Variants in CFTR observed in about 807,000 individuals in gnomAD.
CFTR encodes the protein cystic fibrosis transmembrane conductance regulator.
Under a neutral mutation model 171.6 loss-of-function variants are expected in CFTR, and 181 were observed. The ratio of observed to expected loss-of-function variants is 1.05; its 90% CI spans 0.93 to 1.19. CFTR has a LOEUF of 1.19. CFTR is among the 50% of genes most tolerant of loss of function. The pLI is 0.00. For missense variants in CFTR, 1,968 were observed against 1,734.7 expected, an observed-to-expected ratio of 1.13 and a Z score of -2.39; for synonymous variants, 583 against 608.0, an observed-to-expected ratio of 0.96 and a Z score of 0.60.
At chr7:117,519,640 AT>A (rs1486324833) in intron 3 of CFTR, among the ~76,000 whole-genome samples, 5 of 151,944 alleles carry the variant, frequency 3.3e-5, no homozygotes, top group African/African-American at 4.8e-5. Context: ...GCTTTTTCCC[AT>A]GGGAATTTAT....
At chr7:117,500,278 CTTTTTTTTTTTT>C (rs745627454) in intron 1 of CFTR, among the ~76,000 whole-genome samples, 4 of 76,488 alleles carry the variant, frequency 5.2e-5, no homozygotes, top group East Asian at 5.7e-4. Context: ...TTCTTCCTTT[CTTTTTTTTTTTT>C]TTTTTTTTTT....
chr7:117,561,606 GAAT>G (rs1799465969), intron 11 of CFTR, among the ~76,000 whole-genome samples: 1 of 152,036 alleles, frequency 6.6e-6, no homozygotes, highest in South Asian at 2.1e-4. Context: ...TTCTAAAGAA[GAAT>G]AAGGTAAGGA....
At chr7:117,525,389 C>T (rs2116663060) in intron 3 of CFTR, among the ~76,000 whole-genome samples, 1 of 129,652 alleles carries the variant, frequency 7.7e-6, no homozygotes, top group South Asian at 3.1e-4. Context: ...CTGTAGATGT[C>T]TATTAGGTCT....
intron 20 of CFTR, among the ~76,000 whole-genome samples, chr7:117,612,023 G>GTATGTATATATATA (rs1554392388): frequency 9.4e-5 from 5 of 53,242 alleles, no homozygotes; most frequent in Admixed American, 6.0e-4. Context: ...ATATATATAT[G>GTATGTATATATATA]TATATATATA....
chr7:117,535,139 T>G (rs769466543), intron 5 of CFTR, 109 bp from the exon 6 acceptor site: 10 of 1,130,142 alleles, frequency 8.8e-6, no homozygotes, highest in Non-Finnish European at 1.2e-5. Flanking sequence ...AACCACGAAG[T>G]GTTTGATCAT....
intron 11 of CFTR, among the ~76,000 whole-genome samples, chr7:117,574,898 T>G (rs563631285): frequency 8.0e-4 from 122 of 152,240 alleles, no homozygotes; most frequent in African/African-American, 2.8e-3. Flanking sequence ...GGTTATCTTT[T>G]TGAGATCTAG....
At chr7:117,528,193 C>T (rs1159844064) in intron 3 of CFTR, among the ~76,000 whole-genome samples, 3 of 96,910 alleles carry the variant, frequency 3.1e-5, no homozygotes, top group African/African-American at 1.1e-4. Context: ...CAGAACAGAG[C>T]CCTCAGAAAT....
chr7:117,620,717 A>T (rs1792561732), intron 21 of CFTR, among the ~76,000 whole-genome samples: 1 of 152,194 alleles, frequency 6.6e-6, no homozygotes. Flanking sequence ...TGTGCCCATC[A>T]TTTTACTTCC....
chr7:117,564,709 T>G (rs1791573402), intron 11 of CFTR: 1 of 167,016 alleles, frequency 6.0e-6, no homozygotes, highest in African/African-American at 2.4e-5. Context: ...ATCTTCCTCA[T>G]TTTTGTGTTT....
intron 14 of CFTR, among the ~76,000 whole-genome samples, chr7:117,593,786 G>C (rs1792076180): frequency 6.6e-6 from 1 of 152,028 alleles, no homozygotes; most frequent in South Asian, 2.1e-4. Flanking sequence ...AGTAGAGAAG[G>C]GGTTTCATCA....
At chr7:117,601,510 GT>G (rs960665733) in intron 15 of CFTR, among the ~76,000 whole-genome samples, 121 of 150,964 alleles carry the variant, frequency 8.0e-4, no homozygotes, top group Non-Finnish European at 1.3e-3. Context: ...TCCCCATAAG[GT>G]TTTTTTTTAT....
intron 1 of CFTR, among the ~76,000 whole-genome samples, chr7:117,499,665 G>A (rs770046417): frequency 2.0e-5 from 3 of 151,330 alleles, no homozygotes; most frequent in Non-Finnish European, 2.9e-5. Context: ...GAAATAGTCA[G>A]AACTAGGCTG....
chr7:117,504,435 A>T, intron 2 of CFTR, 72 bp downstream of exon 2: 1 of 826,828 alleles, frequency 1.2e-6, no homozygotes, highest in Non-Finnish European at 2.0e-6. Context: ...GAGAAAGCAA[A>T]CATATTATAA....
At chr7:117,663,521 A>C (rs1352584400) in intron 24 of CFTR, among the ~76,000 whole-genome samples, 2 of 152,084 alleles carry the variant, frequency 1.3e-5, no homozygotes, top group Admixed American at 6.6e-5. Flanking sequence ...AAAAAAAAAA[A>C]AAAAAACAAG....
In CFTR at chr7:117,665,584, C is replaced by T. The variant is rs1229413013; in HGVS notation, c.4242+20C>T. The T allele has an allele frequency of 3.6e-6, 5 of 1,402,646 alleles. No homozygotes were observed. Among genetic ancestry groups the T allele is most frequent in the Admixed American group, 3.4e-5 (2 of 59,660 alleles). The allele number at this position is 1,402,646 out of a possible 1,614,324, so 86.9% of individuals were successfully genotyped here. A position where few individuals can be genotyped will look rare whatever the true frequency, so the allele number is the denominator to read the frequency against. Reference sequence around the variant, plus strand: ...TTTTTGGTGAGTCTTTATAACTTTACTTAAGATCTCATTGCCCTTGTAATT... The same window carrying T: ...TTTTTGGTGAGTCTTTATAACTTTATTTAAGATCTCATTGCCCTTGTAATT... On this transcript the variant is annotated intron_variant, in intron 26 of 26. Coordinates refer to ENST00000003084, the MANE Select transcript of CFTR (RefSeq NM_000492.4).
intron 24 of CFTR, among the ~76,000 whole-genome samples, chr7:117,657,281 T>C (rs1052564186): frequency 1.3e-5 from 2 of 152,240 alleles, no homozygotes; most frequent in African/African-American, 4.8e-5. Flanking sequence ...AGGTTTTTAT[T>C]TCATCAGTTC....
Position 117,665,519 on chromosome 7 carries a change from C to G in CFTR, c.4197C>G (p.Leu1399=), listed in dbSNP as rs79688066. ...KQAFADCTVI[L]CEHRIEAMLE... ...CATTTGCTGATTGCACAGTAATTCT[C>G]TGTGAACACAGGATAGAAGCAATGC... The change falls in exon 26 of 27, where the codon CTC becomes CTG. Residue 1399 remains leucine (L), a synonymous_variant. Coordinates refer to ENST00000003084, the MANE Select transcript of CFTR (RefSeq NM_000492.4). 77 of 1,613,352 alleles carry G rather than the reference C, an allele frequency of 4.8e-5. No individual in the cohort carries two copies. In the African/African-American group the frequency reaches 9.5e-4, roughly 20 times the overall value.
At chr7:117,549,706 A>C (rs1799235794) in intron 10 of CFTR, among the ~76,000 whole-genome samples, 1 of 152,180 alleles carries the variant, frequency 6.6e-6, no homozygotes, top group Non-Finnish European at 1.5e-5. Flanking sequence ...ACTTTGTAGA[A>C]ATGTGAGAAA....
In CFTR at chr7:117,614,642, C is replaced by T; in HGVS notation, c.3397C>T (p.Leu1133=). 1 of 1,611,920 alleles carries T rather than the reference C, an allele frequency of 6.2e-7. No homozygotes were observed. Among genetic ancestry groups the T allele is most frequent in the South Asian group, 1.1e-5 (1 of 91,028 alleles). Residue 1133 remains leucine (L), a synonymous_variant, in exon 21 of 27, where the codon CTG becomes TTG. Coordinates refer to ENST00000003084, the MANE Select transcript of CFTR (RefSeq NM_000492.4). Reference sequence around the variant, plus strand: ...AGGAGAAGGAAGAGTTGGTATTATCCTGACTTTAGCCATGAATATCATGAG... The same window carrying T: ...AGGAGAAGGAAGAGTTGGTATTATCTTGACTTTAGCCATGAATATCATGAG... ...GEGEGRVGII[L]TLAMNIMSTL...
Sources: allele counts gnomAD v4.1 joint callset (sites outside exome capture counted in the v4.1 genomes callset), GRCh38; gene constraint gnomAD v4.1.1; transcripts MANE v1.5; gene names NCBI Gene and HGNC (gene_info 2026-07-23, HGNC 2026-07-21).